B4GALT4: variants seen among roughly 807,000 people sequenced by gnomAD.
B4GALT4 encodes the protein beta-1,4-galactosyltransferase 4, also known as N-acetyllactosamine synthase.
B4GALT4 carries 27 observed loss-of-function variants against 37.3 expected under a neutral mutation model. That is an observed-to-expected ratio of 0.72 (90% CI 0.53 to 1.00). The LOEUF is 1.00. B4GALT4 is among the 50% of genes least tolerant of loss of function. The pLI, the probability that B4GALT4 is intolerant of heterozygous loss-of-function variation, is 0.00. For missense variants in B4GALT4, 372 were observed against 413.1 expected, an observed-to-expected ratio of 0.90 and a Z score of 0.86; for synonymous variants, 148 against 154.1, an observed-to-expected ratio of 0.96 and a Z score of 0.29.
In B4GALT4 at chr3:119,230,142, C is replaced by A; in HGVS notation, c.-43G>T. 1 of 1,603,170 alleles carries A rather than the reference C, an allele frequency of 6.2e-7. No homozygotes were observed. ...TAATATCTATCTCTCTGCTTCACTG[C>A]AGGCAAGAAAGCTTCAAGTTGAGCT... On this transcript the variant is annotated 5_prime_UTR_variant, in exon 3 of 8. Transcript: ENST00000393765.
At chr3:119,225,576 T>G (rs993374055) in intron 4 of B4GALT4, among the ~76,000 whole-genome samples, 32 of 151,950 alleles carry the variant, frequency 2.1e-4, no homozygotes, top group African/African-American at 5.8e-4. Flanking sequence ...TTTTTTTTTT[T>G]TTTAGTATTT....
chr3:119,233,693 T>C (rs1013263517), intron 2 of B4GALT4, among the ~76,000 whole-genome samples: 1 of 152,162 alleles, frequency 6.6e-6, no homozygotes, highest in Non-Finnish European at 1.5e-5. Context: ...GCTTACAGAC[T>C]CTGTTCAAAG....
intron 1 of B4GALT4, among the ~76,000 whole-genome samples, chr3:119,239,675 T>C (rs1417764734): frequency 6.6e-6 from 1 of 152,210 alleles, no homozygotes; most frequent in Non-Finnish European, 1.5e-5. Flanking sequence ...TCAATCCAGG[T>C]CAGTACTTTT....
intron 5 of B4GALT4, among the ~76,000 whole-genome samples, 183 bp downstream of exon 5, chr3:119,223,875 T>C (rs1443336856): frequency 1.3e-5 from 2 of 152,244 alleles, no homozygotes; most frequent in Non-Finnish European, 2.9e-5. Context: ...TCTGCTGAAG[T>C]TGTAGGGCTT....
chr3:119,219,272 T>C (rs4643703), intron 5 of B4GALT4, among the ~76,000 whole-genome samples: 56,540 of 152,022 alleles, frequency 0.37, 11,258 homozygotes, highest in Non-Finnish European at 0.42. Flanking sequence ...TGTATGCAAA[T>C]CTCCACTTCT....
intron 5 of B4GALT4, among the ~76,000 whole-genome samples, chr3:119,221,193 G>C (rs2078439832): frequency 6.6e-6 from 1 of 152,182 alleles, no homozygotes; most frequent in South Asian, 2.1e-4. Flanking sequence ...AATCCTTGTA[G>C]GAAGGAGGCT....
At chr3:119,239,143 T>C (rs1468677052) in intron 1 of B4GALT4, among the ~76,000 whole-genome samples, 15 of 152,030 alleles carry the variant, frequency 9.9e-5, no homozygotes. Flanking sequence ...CTGGACAACA[T>C]GGTGAAACCC....
At chr3:119,231,791 T>TTATAAAA (rs10655722) in intron 2 of B4GALT4, among the ~76,000 whole-genome samples, 81,830 of 141,720 alleles carry the variant, frequency 0.58, 23,887 homozygotes, top group African/African-American at 0.72. Flanking sequence ...ATAGTATATT[T>TTATAAAA]TATAAAATAT....
At chr3:119,226,488 G>A (rs561383361) in intron 4 of B4GALT4, 9 of 346,212 alleles carry the variant, frequency 2.6e-5, no homozygotes, top group South Asian at 9.1e-5. Context: ...TGCATGGCAC[G>A]CACAGAAAGA....
chr3:119,224,906 T>A (rs539624829), intron 4 of B4GALT4, among the ~76,000 whole-genome samples: 17 of 152,350 alleles, frequency 1.1e-4, no homozygotes, highest in Admixed American at 9.1e-4. Context: ...AAAACCTTTC[T>A]TATATACTAG....
intron 6 of B4GALT4, 128 bp from the exon 7 acceptor site, chr3:119,216,472 AGTGT>A: frequency 4.1e-6 from 2 of 483,382 alleles, no homozygotes; most frequent in Non-Finnish European, 7.0e-6. Flanking sequence ...ACACACACAC[AGTGT>A]CACAAACAGC....
At chr3:119,238,554 G>A (rs1184676709) in intron 1 of B4GALT4, among the ~76,000 whole-genome samples, 1 of 152,126 alleles carries the variant, frequency 6.6e-6, no homozygotes, top group Non-Finnish European at 1.5e-5. Flanking sequence ...AATACGGTAA[G>A]ATATTTTGAG....
At chr3:119,228,911 T>TGC (rs2078719212) in intron 3 of B4GALT4, among the ~76,000 whole-genome samples, 1 of 152,166 alleles carries the variant, frequency 6.6e-6, no homozygotes, top group African/African-American at 2.4e-5. Flanking sequence ...TGTATGTGTG[T>TGC]GCGCACACAC....
At chr3:119,221,505 G>A (rs953942288) in intron 5 of B4GALT4, among the ~76,000 whole-genome samples, 1 of 152,208 alleles carries the variant, frequency 6.6e-6, no homozygotes, top group African/African-American at 2.4e-5. Flanking sequence ...GAACTTGCCT[G>A]CCACAGGGAC....
intron 7 of B4GALT4, chr3:119,215,909 T>C (rs2078277965): frequency 1.2e-5 from 2 of 163,986 alleles, no homozygotes; most frequent in Admixed American, 1.3e-4. Context: ...GGTATGATAA[T>C]GGTATTCTGA....
At chr3:119,228,434 T>C (rs1373719990) in intron 3 of B4GALT4, among the ~76,000 whole-genome samples, 1 of 152,190 alleles carries the variant, frequency 6.6e-6, no homozygotes, top group Non-Finnish European at 1.5e-5. Flanking sequence ...AGTCCAGTAC[T>C]TGCCCAGTAA....
intron 2 of B4GALT4, 187 bp from the exon 3 acceptor site, chr3:119,230,431 G>C: frequency 3.5e-6 from 1 of 282,772 alleles, no homozygotes; most frequent in Non-Finnish European, 6.7e-6. Context: ...ATACATCACA[G>C]AAGCACTCTC....
intron 7 of B4GALT4, chr3:119,213,285 G>C (rs886608303): frequency 6.6e-6 from 1 of 152,274 alleles, no homozygotes; most frequent in African/African-American, 2.4e-5. Context: ...CAAAAGAGCA[G>C]GATGCATTTA....
At position 119,224,085 on chromosome 3, in the gene B4GALT4, A is replaced by G. The variant is rs1271734306; in HGVS notation, c.647T>C (p.Val216Ala). 2 of 1,613,366 alleles carry G rather than the reference A, an allele frequency of 1.2e-6. No homozygotes were observed. Among genetic ancestry groups the G allele is most frequent in the Admixed American group, 3.3e-5 (2 of 59,916 alleles). Reference sequence around the variant, plus strand: ...GTACCCAGTGCTGTTCCTGCCAACCACCAGATGCTTGGGATGCTCCTCACA... The same window carrying G: ...GTACCCAGTGCTGTTCCTGCCAACCGCCAGATGCTTGGGATGCTCCTCACA... Reference protein sequence around the residue: ...YKCEEHPKHLVVGRNSTGYRL... With the variant: ...YKCEEHPKHLAVGRNSTGYRL... Residue 216 changes from valine (V) to alanine (A), a missense_variant, in exon 5 of 8, where the codon GTG becomes GCG. By Grantham distance (64) the Val-to-Ala change is moderately conservative. Coordinates refer to ENST00000393765, the MANE Select transcript of B4GALT4 (RefSeq NM_003778.4).
Sources: allele counts gnomAD v4.1 joint callset (sites outside exome capture counted in the v4.1 genomes callset), GRCh38; gene constraint gnomAD v4.1.1; transcripts MANE v1.5; gene names NCBI Gene and HGNC (gene_info 2026-07-23, HGNC 2026-07-21).